Variants in DOK6 observed in about 807,000 individuals in gnomAD.
DOK6 encodes downstream of tyrosine kinase 6.
DOK6 carries 22 observed loss-of-function variants against 44.0 expected under a neutral mutation model. That is an observed-to-expected ratio of 0.50 (90% CI 0.36 to 0.71). DOK6 has a LOEUF of 0.71. DOK6 is among the 30% of genes least tolerant of loss of function. The pLI is 0.00. For missense variants in DOK6, 340 were observed against 416.4 expected, an observed-to-expected ratio of 0.82 and a Z score of 1.60; for synonymous variants, 166 against 145.5, an observed-to-expected ratio of 1.14 and a Z score of -1.01.
chr18:69,770,945 A>G (rs1979871455), intron 7 of DOK6, among the ~76,000 whole-genome samples: 1 of 152,034 alleles, frequency 6.6e-6, no homozygotes, highest in African/African-American at 2.4e-5. Context: ...TATGACTTCC[A>G]TAACAAAAGT....
At chr18:69,552,209 T>C (rs1254728670) in intron 1 of DOK6, among the ~76,000 whole-genome samples, 1 of 152,166 alleles carries the variant, frequency 6.6e-6, no homozygotes, top group Non-Finnish European at 1.5e-5. Context: ...GATTTTTATA[T>C]ATTAATCAAG....
At chr18:69,412,255 A>G (rs768945164) in intron 1 of DOK6, among the ~76,000 whole-genome samples, 1 of 152,100 alleles carries the variant, frequency 6.6e-6, no homozygotes, top group East Asian at 1.9e-4. Context: ...AACTCCGCTG[A>G]GAGACAGGAG....
At chr18:69,569,134 C>A (rs1983055916) in intron 2 of DOK6, among the ~76,000 whole-genome samples, 1 of 151,980 alleles carries the variant, frequency 6.6e-6, no homozygotes, top group Admixed American at 6.6e-5. Flanking sequence ...CTGACTAAAA[C>A]AACCACAGAA....
At chr18:69,425,590 C>A (rs1254437061) in intron 1 of DOK6, among the ~76,000 whole-genome samples, 1 of 151,774 alleles carries the variant, frequency 6.6e-6, no homozygotes, top group Non-Finnish European at 1.5e-5. Flanking sequence ...TTATTCATTG[C>A]ATCATGATTA....
chr18:69,518,428 A>G (rs967597994), intron 1 of DOK6, among the ~76,000 whole-genome samples: 5 of 152,008 alleles, frequency 3.3e-5, no homozygotes, highest in African/African-American at 1.2e-4. Flanking sequence ...CTTCCTCAAC[A>G]GCCCCCTTCT....
At chr18:69,648,163 A>G (rs1985133220) in intron 3 of DOK6, among the ~76,000 whole-genome samples, 1 of 152,200 alleles carries the variant, frequency 6.6e-6, no homozygotes, top group African/African-American at 2.4e-5. Flanking sequence ...CTACGGCCAC[A>G]TTCAGGTCTT....
At position 69,719,649 on chromosome 18, in the gene DOK6, A is replaced by C. The variant is rs1013425030; in HGVS notation, c.600-19316A>C. Among the ~76,000 whole-genome samples, 4 of 152,204 alleles carry C rather than the reference A, an allele frequency of 2.6e-5. 1 individual carries two copies. Among genetic ancestry groups the C allele is most frequent in the African/African-American group, 9.7e-5 (4 of 41,448 alleles). On this transcript the variant is annotated intron_variant, in intron 5 of 7. Coordinates refer to ENST00000382713, the MANE Select transcript of DOK6 (RefSeq NM_152721.6). ...AAAAGGTACTTTTAGTCCTCAAACA[A>C]AGAAGGGGTCAGTTTGGGGAAGGGA...
intron 4 of DOK6, among the ~76,000 whole-genome samples, chr18:69,684,393 G>T (rs1422660155): frequency 6.6e-6 from 1 of 152,206 alleles, no homozygotes; most frequent in Non-Finnish European, 1.5e-5. Context: ...ATGTATATGT[G>T]AAGAAATACC....
At chr18:69,446,932 A>G (rs1331242050) in intron 1 of DOK6, among the ~76,000 whole-genome samples, 2 of 151,958 alleles carry the variant, frequency 1.3e-5, no homozygotes. Flanking sequence ...AATTTGTTTG[A>G]GTTCTTTGTA....
At chr18:69,744,771 A>G (rs147090860) in intron 6 of DOK6, among the ~76,000 whole-genome samples, 3 of 152,012 alleles carry the variant, frequency 2.0e-5, no homozygotes, top group Non-Finnish European at 2.9e-5. Context: ...CTAAAAATAC[A>G]AAAAGTTAGC....
chr18:69,681,614 G>A (rs1255457681), intron 4 of DOK6, among the ~76,000 whole-genome samples: 1 of 152,148 alleles, frequency 6.6e-6, no homozygotes, highest in Non-Finnish European at 1.5e-5. Context: ...CCACAGGAAA[G>A]TGCATACTTG....
chr18:69,652,987 C>G (rs1049764844), intron 3 of DOK6, among the ~76,000 whole-genome samples: 1 of 152,136 alleles, frequency 6.6e-6, no homozygotes, highest in Non-Finnish European at 1.5e-5. Context: ...GAAAGATTCA[C>G]GATGGAATTC....
chr18:69,739,165 C>T (rs1339317212), intron 6 of DOK6, 62 bp downstream of exon 6: 18 of 1,598,970 alleles, frequency 1.1e-5, no homozygotes, highest in Non-Finnish European at 1.5e-5. Context: ...ATCTGATGTA[C>T]ACTGTGTATG....
chr18:69,691,237 A>G (rs1441358684), intron 4 of DOK6, among the ~76,000 whole-genome samples: 4 of 151,874 alleles, frequency 2.6e-5, no homozygotes. Flanking sequence ...ATAAAAATAT[A>G]GAATTGGACT....
intron 7 of DOK6, among the ~76,000 whole-genome samples, chr18:69,790,078 T>A (rs1980547158): frequency 6.6e-6 from 1 of 152,136 alleles, no homozygotes; most frequent in East Asian, 1.9e-4. Flanking sequence ...AAACCCCAAG[T>A]CCTCTATTAT....
chr18:69,404,786 GGT>G (rs59807127), intron 1 of DOK6, among the ~76,000 whole-genome samples: 56,496 of 149,670 alleles, frequency 0.38, 10,534 homozygotes, highest in East Asian at 0.44. Flanking sequence ...AGGATAGGGT[GGT>G]GTGTGTGTGT....
At position 69,777,428 on chromosome 18, in the gene DOK6, A is replaced by C. The variant is rs190896561; in HGVS notation, c.856+19555A>C. ...CTAAAAATACCCTTTGGGTTTATAC[A>C]TAAAGTGCTTAGCAAAGCAGTTTTT... is the stretch of plus-strand genomic sequence containing the variant. On this transcript the variant is annotated intron_variant, in intron 7 of 7. Coordinates refer to ENST00000382713, the MANE Select transcript of DOK6 (RefSeq NM_152721.6). 2.6e-5 allele frequency among the ~76,000 whole-genome samples: 4 copies of C among 152,264 alleles called. No individual in the cohort carries two copies. In the East Asian group the frequency reaches 7.7e-4, roughly 29 times the overall value.
At chr18:69,699,470 GA>G (rs1278960665) in intron 5 of DOK6, among the ~76,000 whole-genome samples, 1 of 151,784 alleles carries the variant, frequency 6.6e-6, no homozygotes. Flanking sequence ...AAATTTTAAG[GA>G]GGGAAAAAAC....
chr18:69,708,302 T>C (rs1296710794), intron 5 of DOK6, among the ~76,000 whole-genome samples: 1 of 152,180 alleles, frequency 6.6e-6, no homozygotes, highest in Non-Finnish European at 1.5e-5. Context: ...TGAGCAATCG[T>C]GGTTTGAAAT....
Sources: gnomAD v4.1 joint callset for allele counts (sites outside exome capture counted in the v4.1 genomes callset) on GRCh38, gnomAD v4.1.1 for gene constraint, MANE v1.5 for transcripts, NCBI Gene and HGNC (gene_info 2026-07-23, HGNC 2026-07-21) for gene names.